The following MLLT10 variants were observed in gnomAD, a reference collection of about 807,000 sequenced individuals.
The protein encoded by MLLT10 is protein AF-10.
A neutral mutation model predicts 129.1 loss-of-function variants in MLLT10; 30 were observed. The observed-to-expected ratio is 0.23, with a 90% CI of 0.17 to 0.32. The LOEUF is 0.32. Among genes scored for constraint, MLLT10 ranks in the 10% least tolerant of loss-of-function variants. The pLI, the probability that MLLT10 is intolerant of heterozygous loss-of-function variation, is 1.00. For synonymous variants in MLLT10, 490 were observed against 446.4 expected (o/e 1.10, Z -1.23); for missense variants, 1,119 against 1,268.3 (o/e 0.88, Z 1.79).
At chr10:21,657,497 A>T (rs1247319660) in intron 9 of MLLT10, among the ~76,000 whole-genome samples, 1 of 151,328 alleles carries the variant, frequency 6.6e-6, no homozygotes, top group Non-Finnish European at 1.5e-5. Context: ...GTAGATGCTT[A>T]TAAGCCACAG....
chr10:21,661,962 A>G (rs891893177), intron 9 of MLLT10, among the ~76,000 whole-genome samples: 9 of 151,592 alleles, frequency 5.9e-5, no homozygotes, highest in African/African-American at 2.2e-4. Flanking sequence ...TGTCATTCAC[A>G]GCTTTTGTGG....
intron 14 of MLLT10, among the ~76,000 whole-genome samples, chr10:21,717,816 TCTTCTCCTC>T (rs2056824634): frequency 3.7e-5 from 4 of 109,022 alleles, no homozygotes; most frequent in African/African-American, 1.4e-4. Flanking sequence ...TTCTTCTCCT[TCTTCTCCTC>T]CTTCTCCTCC....
intron 8 of MLLT10, among the ~76,000 whole-genome samples, chr10:21,648,699 A>C (rs946907358): frequency 6.6e-6 from 1 of 152,216 alleles, no homozygotes; most frequent in Non-Finnish European, 1.5e-5. Context: ...GCCCATTTTC[A>C]TACTGCTATG....
At chr10:21,551,726 ATCTGTT>A (rs2037065638) in intron 3 of MLLT10, 2 of 366,438 alleles carry the variant, frequency 5.5e-6, no homozygotes, top group Non-Finnish European at 1.0e-5. Flanking sequence ...AGCATATGGT[ATCTGTT>A]TATTCTGTTT....
chr10:21,647,292 G>A (rs1396985245), intron 8 of MLLT10, among the ~76,000 whole-genome samples: 1 of 151,768 alleles, frequency 6.6e-6, no homozygotes, highest in Non-Finnish European at 1.5e-5. Context: ...TTAAATCTTT[G>A]TACACCTTGT....
chr10:21,639,275 C>T (rs1214805187), intron 8 of MLLT10, among the ~76,000 whole-genome samples: 2 of 152,286 alleles, frequency 1.3e-5, no homozygotes, highest in Admixed American at 6.5e-5. Flanking sequence ...ACATCATCTG[C>T]GTTTGGACAC....
intron 3 of MLLT10, among the ~76,000 whole-genome samples, chr10:21,573,055 C>G (rs1478877400): frequency 6.6e-6 from 1 of 151,898 alleles, no homozygotes; most frequent in Non-Finnish European, 1.5e-5. Context: ...TTCTTACAAC[C>G]TTACTTAAGT....
intron 8 of MLLT10, among the ~76,000 whole-genome samples, chr10:21,622,475 G>A (rs147344680): frequency 4.0e-3 from 612 of 152,100 alleles, no homozygotes; most frequent in Non-Finnish European, 6.4e-3. Context: ...ATTAAAGGAT[G>A]TTTCTGCAAA....
chr10:21,549,065 A>AAGAATTGT (rs570045574), intron 3 of MLLT10, among the ~76,000 whole-genome samples: 307 of 151,084 alleles, frequency 2.0e-3, no homozygotes, highest in African/African-American at 6.7e-3. Context: ...TCTGTCTTTT[A>AAGAATTGT]AGAATTGTGT....
intron 6 of MLLT10, among the ~76,000 whole-genome samples, chr10:21,614,226 A>C (rs201756976): frequency 0.044 from 101 of 2,276 alleles, no homozygotes; most frequent in East Asian, 0.2. Flanking sequence ...TTTTTTTTTC[A>C]AAAAAAAAAA....
At chr10:21,741,607 C>G (rs1301355971) in intron 22 of MLLT10, among the ~76,000 whole-genome samples, 1 of 152,178 alleles carries the variant, frequency 6.6e-6, no homozygotes, top group Non-Finnish European at 1.5e-5. Context: ...CGATGACTTT[C>G]TTAGCCCATA....
At chr10:21,631,088 A>G (rs1163384622) in intron 8 of MLLT10, among the ~76,000 whole-genome samples, 1 of 152,078 alleles carries the variant, frequency 6.6e-6, no homozygotes, top group Non-Finnish European at 1.5e-5. Flanking sequence ...AGGTGGGCGG[A>G]TCACAAGGTC....
chr10:21,735,145 A>G lies in MLLT10; in HGVS notation c.2865A>G (p.Ser955=). 1 of 1,612,562 alleles carries G rather than the reference A, an allele frequency of 6.2e-7. No individual in the cohort carries two copies. The highest frequency in any genetic ancestry group is 8.5e-7 in the Non-Finnish European group (1 of 1,179,194). ...PMPATLTNSA[S]GLGLLSDQQR... Reference sequence around the variant, plus strand: ...AATTGTAATCATTTTTCAGTGCCTCAGGACTAGGATTACTTTCTGACCAGC... The same window carrying G: ...AATTGTAATCATTTTTCAGTGCCTCGGGACTAGGATTACTTTCTGACCAGC... The change falls in exon 21 of 23, where the codon TCA becomes TCG. Residue 955 remains serine (S), a synonymous_variant. Transcript: ENST00000307729.
chr10:21,664,582 G>A (rs1211922613), intron 9 of MLLT10, among the ~76,000 whole-genome samples: 3 of 151,562 alleles, frequency 2.0e-5, no homozygotes, highest in African/African-American at 7.3e-5. Flanking sequence ...GGCGTGCCCG[G>A]CTCTATGTGT....
At chr10:21,593,865 G>A (rs1234877120) in intron 4 of MLLT10, among the ~76,000 whole-genome samples, 2 of 133,670 alleles carry the variant, frequency 1.5e-5, no homozygotes, top group African/African-American at 5.6e-5. Context: ...GGAGGAAGTT[G>A]TAGTGAGCCG....
At chr10:21,611,237 G>A (rs976956119) in intron 5 of MLLT10, among the ~76,000 whole-genome samples, 1 of 148,266 alleles carries the variant, frequency 6.7e-6, no homozygotes, top group African/African-American at 2.5e-5. Context: ...TCGAACTCCT[G>A]ACCTCAGGTG....
chr10:21,622,993 T>C (rs756464923), intron 8 of MLLT10, among the ~76,000 whole-genome samples: 2 of 152,194 alleles, frequency 1.3e-5, no homozygotes, highest in Non-Finnish European at 2.9e-5. Flanking sequence ...TTATTACTTA[T>C]GTATTGTGAA....
chr10:21,626,865 G>C (rs7915873), intron 8 of MLLT10, among the ~76,000 whole-genome samples: 87 of 152,292 alleles, frequency 5.7e-4, no homozygotes, highest in Middle Eastern at 3.4e-3. Flanking sequence ...GAAGAGTTAA[G>C]AGAGGACAGG....
intron 3 of MLLT10, among the ~76,000 whole-genome samples, chr10:21,585,961 A>G (rs143760010): frequency 2.0e-5 from 3 of 152,208 alleles, no homozygotes; most frequent in South Asian, 2.1e-4. Flanking sequence ...GGGTTTCTGC[A>G]TGTTGGTCAG....
Sources: gnomAD v4.1 joint callset for allele counts (sites outside exome capture counted in the v4.1 genomes callset) on GRCh38, gnomAD v4.1.1 for gene constraint, MANE v1.5 for transcripts, NCBI Gene and HGNC (gene_info 2026-07-23, HGNC 2026-07-21) for gene names.